The following ZBTB46 variants were observed in gnomAD, a reference collection of about 807,000 sequenced individuals.
The protein encoded by ZBTB46 is zinc finger and BTB domain containing 46.
ZBTB46 carries 8 observed loss-of-function variants against 44.1 expected under a neutral mutation model. The observed-to-expected ratio is 0.18, with a 90% CI of 0.11 to 0.33. The LOEUF (loss-of-function observed/expected upper bound fraction) is 0.33. Among genes scored for constraint, ZBTB46 ranks in the 10% least tolerant of loss-of-function variants. The probability of loss-of-function intolerance (pLI) is 1.00; values close to 1 mark genes in which losing one functional copy is unlikely to be tolerated. For missense variants in ZBTB46, 651 were observed against 847.7 expected, an observed-to-expected ratio of 0.77 and a Z score of 2.88; for synonymous variants, 409 against 382.3, an observed-to-expected ratio of 1.07 and a Z score of -0.81.
chr20:63,764,969 A>G (rs1437355957), intron 3 of ZBTB46, among the ~76,000 whole-genome samples: 6 of 151,038 alleles, frequency 4.0e-5, no homozygotes, highest in Non-Finnish European at 7.4e-5. Context: ...CCCAGGCTGG[A>G]GTGCAATGGC....
chr20:63,833,520 G>A (rs906205360), upstream of ZBTB46, among the ~76,000 whole-genome samples: 5 of 152,238 alleles, frequency 3.3e-5, no homozygotes, highest in African/African-American at 1.2e-4. Context: ...CAACCCGGGA[G>A]GTGGAGCTTG....
rs1568827951 is a variant in ZBTB46, at chr20:63,751,638, A to AAGCCCCGCCCCCCGGTGGGTCTCCCCATG, written c.1398+1047_1398+1048insCATGGGGAGACCCACCGGGGGGCGGGGCT. 3.1e-4 allele frequency among the ~76,000 whole-genome samples: 35 copies of AAGCCCCGCCCCCCGGTGGGTCTCCCCATG among 114,576 alleles called. 4 individuals are homozygous for AAGCCCCGCCCCCCGGTGGGTCTCCCCATG. Among genetic ancestry groups the AAGCCCCGCCCCCCGGTGGGTCTCCCCATG allele is most frequent in the East Asian group, 2.2e-3 (9 of 4,122 alleles). The allele number at this position is 114,576 out of a possible 152,430, so 75.2% of individuals were successfully genotyped here. On this transcript the variant is annotated intron_variant, in intron 4 of 4. Transcript: ENST00000245663. The stretch of plus-strand genomic sequence containing the variant: ...TCCGCCCCCCAGTGGGTCTCCCCAT[A>AAGCCCCGCCCCCCGGTGGGTCTCCCCATG]AAGCCCCGCCCCCCGGTGGGTCTCC...
chr20:63,744,766 C>T lies in ZBTB46; in HGVS notation c.*2164G>A, dbSNP rs2092072541. On this transcript the variant is annotated 3_prime_UTR_variant, in exon 5 of 5. Coordinates refer to ENST00000245663, the MANE Select transcript of ZBTB46 (RefSeq NM_001369741.1). ...CTGTTGGTTTTAGGGAAGAAAATGC[C>T]CCTGTAGCTCCGGCGGGGAACCCCA... is the stretch of plus-strand genomic sequence containing the variant. The T allele has an allele frequency of 6.6e-6, 1 of 152,318 alleles. No homozygotes were observed. Among genetic ancestry groups the T allele is most frequent in the South Asian group, 2.1e-4 (1 of 4,830 alleles). 9.4% of individuals were successfully genotyped at this position (152,318 alleles called of 1,614,324 possible).
intron 1 of ZBTB46, among the ~76,000 whole-genome samples, chr20:63,797,043 A>G (rs2092609130): frequency 6.6e-6 from 1 of 152,068 alleles, no homozygotes; most frequent in South Asian, 2.1e-4. Context: ...TTCTAAGGGT[A>G]CATGTGCACA....
At chr20:63,806,222 T>C (rs960108357) in intron 1 of ZBTB46, among the ~76,000 whole-genome samples, 3 of 149,860 alleles carry the variant, frequency 2.0e-5, no homozygotes, top group East Asian at 4.1e-4. Flanking sequence ...GCCAACATAG[T>C]GAAACCCCGT....
At chr20:63,791,903 TG>T (rs986483558) in intron 1 of ZBTB46, among the ~76,000 whole-genome samples, 3 of 152,200 alleles carry the variant, frequency 2.0e-5, no homozygotes, top group African/African-American at 7.2e-5. Flanking sequence ...CTATCAAGCC[TG>T]GGAGGCTCAA....
chr20:63,833,678 C>G (rs917450754), upstream of ZBTB46, among the ~76,000 whole-genome samples: 1 of 152,168 alleles, frequency 6.6e-6, no homozygotes, highest in Admixed American at 6.6e-5. Context: ...GAGCCCCACT[C>G]CTCCCCGCTT....
At chr20:63,770,859 G>C (rs1036569703) in intron 3 of ZBTB46, among the ~76,000 whole-genome samples, 2 of 152,190 alleles carry the variant, frequency 1.3e-5, no homozygotes, top group Non-Finnish European at 2.9e-5. Context: ...AGGTACACTC[G>C]ACAGGACACC....
rs2092174091 is a variant in ZBTB46 at position 63,752,157 on chromosome 20, G to A, written c.1398+529C>T. 2.0e-5 allele frequency among the ~76,000 whole-genome samples: 3 copies of A among 152,282 alleles called. No homozygotes were observed. Among genetic ancestry groups the A allele is most frequent in the Non-Finnish European group, 2.9e-5 (2 of 68,028 alleles). On this transcript the variant is annotated intron_variant, in intron 4 of 4. Coordinates refer to ENST00000245663, the MANE Select transcript of ZBTB46 (RefSeq NM_001369741.1). The surrounding 1 kb of genome is among the most constrained non-coding windows in gnomAD (Gnocchi z 5.6). ...TCACTGGTTGATCTCACCCACTTGA[G>A]ATGCCCTCGCCAGGCCTTTTTTGGC...
At position 63,803,857 on chromosome 20, in the gene ZBTB46, G is replaced by A. The variant is rs1483855818; in HGVS notation, c.-33-13067C>T. 1.3e-5 allele frequency among the ~76,000 whole-genome samples: 2 copies of A among 152,172 alleles called. No individual in the cohort carries two copies. The highest frequency in any genetic ancestry group is 1.9e-4 in the East Asian group (1 of 5,198). ...TGAGCAGCTGGGACCACAGGGGCAC[G>A]CCACCACACGGGCTAATTTTTTTGT... On this transcript the variant is annotated intron_variant, in intron 1 of 4. Coordinates refer to ENST00000245663, the MANE Select transcript of ZBTB46 (RefSeq NM_001369741.1). This position sits in a 1 kb window ranked among gnomAD's most constrained non-coding sequence, Gnocchi z 4.0.
chr20:63,775,904 C>CTCGGCCCTCTCTCCTCGGCTG lies in ZBTB46; in HGVS notation c.975_995dup (p.Asp325_Ala331dup). ...GACCCTCCTCCACCTGTGCATAGAG[C>CTCGGCCCTCTCTCCTCGGCTG]TCGGCCCTCTCTCCTCGGCTGTCGG... On this transcript the variant is annotated inframe_insertion, in exon 3 of 5. Transcript: ENST00000245663. 2 of 1,605,680 alleles carry CTCGGCCCTCTCTCCTCGGCTG rather than the reference C, an allele frequency of 1.2e-6. No individual in the cohort carries two copies. The highest frequency in any genetic ancestry group is 1.7e-4 in the Middle Eastern group (1 of 6,036).
chr20:63,752,871 A>G lies in ZBTB46; in HGVS notation c.1223-10T>C. 2 of 1,590,518 alleles carry G rather than the reference A, an allele frequency of 1.3e-6. No individual in the cohort carries two copies. The highest frequency in any genetic ancestry group is 2.3e-5 in the East Asian group (1 of 44,176). On this transcript the variant is annotated splice_polypyrimidine_tract_variant and intron_variant, in intron 3 of 4. Coordinates refer to ENST00000245663, the MANE Select transcript of ZBTB46 (RefSeq NM_001369741.1). The surrounding 1 kb of genome is among the most constrained non-coding windows in gnomAD (Gnocchi z 5.6). ...ACCGTGAACTCATTCACTGAAAGAG[A>G]GGGACCCGCGAGGCGTCAGCAGGGC...
intron 1 of ZBTB46, among the ~76,000 whole-genome samples, chr20:63,806,067 G>C (rs1043645794): frequency 1.3e-5 from 2 of 151,462 alleles, no homozygotes; most frequent in Admixed American, 6.6e-5. Flanking sequence ...GAGCCACCAT[G>C]CCCGGCCCCA....
At chr20:63,818,989 T>C (rs575174064) in intron 1 of ZBTB46, among the ~76,000 whole-genome samples, 1 of 151,672 alleles carries the variant, frequency 6.6e-6, no homozygotes, top group African/African-American at 2.4e-5. Flanking sequence ...CTGACCAACA[T>C]GGTGAAACCC....
intron 1 of ZBTB46, chr20:63,815,244 A>G: frequency 3.7e-6 from 1 of 266,800 alleles, no homozygotes; most frequent in Non-Finnish European, 7.3e-6. Context: ...CAATGGGTGC[A>G]GGTGCAGTGG....
At chr20:63,828,881 C>T (rs1031135688) in intron 1 of ZBTB46, among the ~76,000 whole-genome samples, 5 of 152,248 alleles carry the variant, frequency 3.3e-5, no homozygotes, top group African/African-American at 1.2e-4. Flanking sequence ...GGGCTAAGAC[C>T]TCTGATGGAG....
At chr20:63,817,327 T>C (rs1033927137) in intron 1 of ZBTB46, among the ~76,000 whole-genome samples, 1 of 149,680 alleles carries the variant, frequency 6.7e-6, no homozygotes, top group South Asian at 2.1e-4. Context: ...GATCCTTGAG[T>C]CTGGGAGAAG....
chr20:63,787,038 T>C lies in ZBTB46; in HGVS notation c.937+2783A>G, dbSNP rs964643831. Among the ~76,000 whole-genome samples the C allele has an allele frequency of 1.3e-5, 2 of 152,088 alleles. No individual in the cohort carries two copies. Among genetic ancestry groups the C allele is most frequent in the African/African-American group, 2.4e-5 (1 of 41,412 alleles). On this transcript the variant is annotated intron_variant, in intron 2 of 4. Coordinates refer to ENST00000245663, the MANE Select transcript of ZBTB46 (RefSeq NM_001369741.1). The surrounding 1 kb of genome is among the most constrained non-coding windows in gnomAD (Gnocchi z 4.6). Reference sequence around the variant, plus strand: ...CAGATGAGAATGAATAAAATCTACATTGTGTCAAAGTAGAACAGCATTTAC... The same window carrying C: ...CAGATGAGAATGAATAAAATCTACACTGTGTCAAAGTAGAACAGCATTTAC...
intron 3 of ZBTB46, among the ~76,000 whole-genome samples, chr20:63,769,810 T>C (rs752834905): frequency 6.6e-6 from 1 of 152,198 alleles, no homozygotes; most frequent in Non-Finnish European, 1.5e-5. Context: ...GTTAAAGTTC[T>C]CGATTCATCC....
Sources: gnomAD v4.1 joint callset for allele counts (sites outside exome capture counted in the v4.1 genomes callset) on GRCh38, gnomAD v4.1.1 for gene constraint, Gnocchi (gnomAD v3.1) non-coding constraint, MANE v1.5 for transcripts, NCBI Gene and HGNC (gene_info 2026-07-23, HGNC 2026-07-21) for gene names.